The following SLC44A5 variants were observed in gnomAD, a reference collection of about 807,000 sequenced individuals.
SLC44A5 encodes choline transporter-like protein 5.
A neutral mutation model predicts 101.8 loss-of-function variants in SLC44A5; 57 were observed. That is an observed-to-expected ratio of 0.56 (90% CI 0.45 to 0.70). The LOEUF (loss-of-function observed/expected upper bound fraction) is 0.70. Among genes scored for constraint, SLC44A5 ranks in the 30% least tolerant of loss-of-function variants. SLC44A5 has a pLI of 0.00. For synonymous variants in SLC44A5, 281 were observed against 290.9 expected, an observed-to-expected ratio of 0.97 and a Z score of 0.35; for missense variants, 737 against 853.1, an observed-to-expected ratio of 0.86 and a Z score of 1.70.
chr1:75,330,011 T>A (rs1032902663), intron 4 of SLC44A5, among the ~76,000 whole-genome samples: 4 of 151,776 alleles, frequency 2.6e-5, no homozygotes, highest in Non-Finnish European at 5.9e-5. Context: ...CACAAATCAT[T>A]GTTCTTCATC....
At chr1:75,363,271 AT>A (rs1453898007) in intron 3 of SLC44A5, among the ~76,000 whole-genome samples, 3 of 151,920 alleles carry the variant, frequency 2.0e-5, no homozygotes, top group African/African-American at 7.2e-5. Flanking sequence ...CTGTCTTTTG[AT>A]TGGATAATTT....
rs554320237 is a variant in SLC44A5, at chr1:75,202,227, A to G, written c.*1500T>C. ...AACATTTTAATTATCAAAGATATTTAGACAATACGTTTCTAACATTTCTGC... is the reference window on the plus strand; with the variant it reads ...AACATTTTAATTATCAAAGATATTTGGACAATACGTTTCTAACATTTCTGC... On this transcript the variant is annotated 3_prime_UTR_variant, in exon 24 of 24. Coordinates refer to ENST00000370859, the MANE Select transcript of SLC44A5 (RefSeq NM_001130058.2). 2.6e-5 allele frequency: 4 copies of G among 152,350 alleles called. No individual in the cohort carries two copies. Among genetic ancestry groups the G allele is most frequent in the African/African-American group, 9.6e-5 (4 of 41,598 alleles). 9.4% of individuals were successfully genotyped at this position (152,350 alleles called of 1,614,324 possible). A position where few individuals can be genotyped will look rare whatever the true frequency, so the allele number is the denominator to read the frequency against.
chr1:75,314,519 T>C (rs1487952993), intron 4 of SLC44A5, among the ~76,000 whole-genome samples: 1 of 152,202 alleles, frequency 6.6e-6, no homozygotes, highest in African/African-American at 2.4e-5. Context: ...CTTTAGACTT[T>C]CATTGATGCT....
At chr1:75,573,130 A>C (rs1378613160) in intron 1 of SLC44A5, among the ~76,000 whole-genome samples, 1 of 144,456 alleles carries the variant, frequency 6.9e-6, no homozygotes, top group East Asian at 2.2e-4. Flanking sequence ...TCCATCTCAA[A>C]AAAAAAAAAA....
chr1:75,547,474 T>G (rs1325205058), intron 1 of SLC44A5, among the ~76,000 whole-genome samples: 2 of 152,174 alleles, frequency 1.3e-5, no homozygotes, highest in Non-Finnish European at 2.9e-5. Flanking sequence ...GCTGTGATTC[T>G]AAAGACAAAG....
chr1:75,292,212 G>A (rs973459099), intron 5 of SLC44A5, among the ~76,000 whole-genome samples: 4 of 151,908 alleles, frequency 2.6e-5, no homozygotes, highest in Non-Finnish European at 5.9e-5. Flanking sequence ...ACGAGGTCTA[G>A]GCCACCCCCT....
At chr1:75,401,092 C>T (rs530841535) in intron 2 of SLC44A5, among the ~76,000 whole-genome samples, 5 of 152,236 alleles carry the variant, frequency 3.3e-5, no homozygotes, top group East Asian at 3.9e-4. Flanking sequence ...CCCTGAAGTC[C>T]GGAAGCCCAA....
chr1:75,203,894 C>T (rs1208671701), intron 23 of SLC44A5, 61 bp from the exon 24 acceptor site: 10 of 1,481,780 alleles, frequency 6.7e-6, no homozygotes, highest in Middle Eastern at 2.0e-4. Context: ...AGTAACACCG[C>T]CATCTGCTGT....
chr1:75,221,960 CTTTT>C, intron 14 of SLC44A5, among the ~76,000 whole-genome samples: 1 of 97,176 alleles, frequency 1.0e-5, no homozygotes, highest in Non-Finnish European at 1.9e-5. Flanking sequence ...TCTTCTTCTT[CTTTT>C]TTTTTTTTTT....
chr1:75,528,202 A>G (rs925154115), intron 2 of SLC44A5, among the ~76,000 whole-genome samples: 2 of 152,232 alleles, frequency 1.3e-5, no homozygotes, highest in African/African-American at 4.8e-5. Context: ...TCTATTCACT[A>G]GAAACATAAT....
At chr1:75,263,832 G>A (rs1650749400) in intron 6 of SLC44A5, among the ~76,000 whole-genome samples, 1 of 152,076 alleles carries the variant, frequency 6.6e-6, no homozygotes, top group Admixed American at 6.5e-5. Context: ...CCTTTGTGTG[G>A]ACATGGATGA....
chr1:75,682,128 T>A, the SLC44A5 span, among the ~76,000 whole-genome samples: 1 of 152,174 alleles, frequency 6.6e-6, no homozygotes, highest in Non-Finnish European at 1.5e-5. Flanking sequence ...TGGAAGAACA[T>A]TCCATGCTCA....
At chr1:75,633,000 T>C in the SLC44A5 span, among the ~76,000 whole-genome samples, 1 of 152,192 alleles carries the variant, frequency 6.6e-6, no homozygotes, top group Non-Finnish European at 1.5e-5. Flanking sequence ...AAATATTTCT[T>C]GTTTGTTCAT....
chr1:75,677,868 G>C, the SLC44A5 span: 1 of 348,150 alleles, frequency 2.9e-6, no homozygotes, highest in Admixed American at 4.3e-5. Flanking sequence ...ATCTCACTAG[G>C]GAGTGCCAGA....
intron 2 of SLC44A5, among the ~76,000 whole-genome samples, chr1:75,414,540 CTATT>C (rs145188428): frequency 0.033 from 4,999 of 152,204 alleles, 268 homozygotes; most frequent in African/African-American, 0.12. Context: ...ACATAACCAA[CTATT>C]TATACAGTAA....
chr1:75,443,842 A>C (rs1665347039), intron 2 of SLC44A5, among the ~76,000 whole-genome samples: 1 of 152,060 alleles, frequency 6.6e-6, no homozygotes, highest in Non-Finnish European at 1.5e-5. Context: ...AAAATCTAAC[A>C]ATATAAGAAA....
At chr1:75,393,924 T>C (rs1450590508) in intron 3 of SLC44A5, among the ~76,000 whole-genome samples, 1 of 151,922 alleles carries the variant, frequency 6.6e-6, no homozygotes, top group Non-Finnish European at 1.5e-5. Flanking sequence ...AAGAGCAGAT[T>C]TGGTGGGGTA....
intron 2 of SLC44A5, among the ~76,000 whole-genome samples, chr1:75,535,916 TA>T (rs1214353430): frequency 2.0e-5 from 3 of 151,788 alleles, no homozygotes; most frequent in Non-Finnish European, 4.4e-5. Context: ...ACTTTCATAA[TA>T]AAAACCCAAG....
intron 2 of SLC44A5, among the ~76,000 whole-genome samples, chr1:75,532,585 T>C (rs1193505500): frequency 6.6e-6 from 1 of 152,242 alleles, no homozygotes; most frequent in African/African-American, 2.4e-5. Flanking sequence ...TTTGCAGTTA[T>C]TATTCTCTAA....
Sources: gnomAD v4.1 joint callset for allele counts (sites outside exome capture counted in the v4.1 genomes callset) on GRCh38, gnomAD v4.1.1 for gene constraint, MANE v1.5 for transcripts, NCBI Gene and HGNC (gene_info 2026-07-23, HGNC 2026-07-21) for gene names.